Variants in CACNA1G observed in about 807,000 individuals in gnomAD.
CACNA1G encodes the protein calcium voltage-gated channel subunit alpha1 G.
CACNA1G carries 67 observed loss-of-function variants against 219.4 expected under a neutral mutation model. The ratio of observed to expected loss-of-function variants is 0.31; its 90% confidence interval spans 0.25 to 0.37. The LOEUF is 0.37. CACNA1G is among the 10% of genes least tolerant of loss of function. The pLI, the probability that CACNA1G is intolerant of heterozygous loss-of-function variation, is 1.00. For missense variants in CACNA1G, 2,380 were observed against 3,231.4 expected (o/e 0.74, Z 6.39); for synonymous variants, 1,296 against 1,345.3 (o/e 0.96, Z 0.80).
In CACNA1G at chr17:50,626,856, G is replaced by T. The variant is rs910783778; in HGVS notation, c.*105G>T. On this transcript the variant is annotated 3_prime_UTR_variant, in exon 38 of 38. Transcript: ENST00000359106. This position sits in a 1 kb window ranked among gnomAD's most constrained non-coding sequence, Gnocchi z 4.3. ...AAAGTTCCATATAGACACCAAGGAGGCGGAGGCGCTCCTCCCTGCCTCAGT... is the reference window on the plus strand; with the variant it reads ...AAAGTTCCATATAGACACCAAGGAGTCGGAGGCGCTCCTCCCTGCCTCAGT... The T allele has an allele frequency of 7.6e-6, 11 of 1,444,592 alleles. No individual in the cohort carries two copies. The African/African-American group carries it at 1.3e-4, about 17-fold the overall frequency. 89.5% of individuals were successfully genotyped at this position (1,444,592 alleles called of 1,614,324 possible).
At position 50,561,590 on chromosome 17, in the gene CACNA1G, C is replaced by T. The variant is rs778920307; in HGVS notation, c.131C>T (p.Ala44Val). The change falls in exon 1 of 38, where the codon GCG becomes GTG. Residue 44 changes from alanine (A) to valine (V), a missense_variant. Physicochemically the swap from Ala to Val is moderately conservative, Grantham distance 64 (BLOSUM62 0). Around this residue, in one of 17 missense-constraint regions of CACNA1G, gnomAD observed 98 missense variants for 85.5 expected, o/e 1.15. Coordinates refer to ENST00000359106, the MANE Select transcript of CACNA1G (RefSeq NM_018896.5). The part of the protein sequence containing the change: ...PGSAEKDPGS[A>V]DSEAEGLPYP... ...TCAGCAGAAAAGGACCCGGGCAGCG[C>T]GGACTCCGAGGCGGAGGGGCTGCCG... 25 of 1,570,400 alleles carry T rather than the reference C, an allele frequency of 1.6e-5. No homozygotes were observed. In the East Asian group the frequency reaches 5.6e-4, roughly 35 times the overall value.
chr17:50,576,476 C>G (rs773346529), intron 8 of CACNA1G, 150 bp downstream of exon 8: 3 of 732,930 alleles, frequency 4.1e-6, no homozygotes, highest in Non-Finnish European at 6.8e-6. Context: ...CAGTCACATC[C>G]CTGCTATGAG....
chr17:50,564,318 G>A (rs147247370), intron 1 of CACNA1G, among the ~76,000 whole-genome samples: 6 of 151,904 alleles, frequency 3.9e-5, no homozygotes, highest in Admixed American at 1.3e-4. Flanking sequence ...CTCCCCTCTC[G>A]GGGAGGAGTT....
intron 14 of CACNA1G, 50 bp downstream of exon 14, chr17:50,595,111 C>A: frequency 2.2e-6 from 3 of 1,370,108 alleles, no homozygotes; most frequent in East Asian, 2.5e-5. Flanking sequence ...CATGCCCGTG[C>A]CCCTCCACTC....
intron 37 of CACNA1G, among the ~76,000 whole-genome samples, chr17:50,624,883 T>C (rs188915115): frequency 6.6e-6 from 1 of 151,362 alleles, no homozygotes; most frequent in East Asian, 2.0e-4. Context: ...GACTGAGCTA[T>C]GGGGCACAAG....
chr17:50,619,876 G>A, intron 34 of CACNA1G, 50 bp downstream of exon 34: 2 of 1,510,540 alleles, frequency 1.3e-6, no homozygotes, highest in South Asian at 1.3e-5. Flanking sequence ...GCTGGGCTGT[G>A]CCACGCTGTG....
At chr17:50,589,283 A>C (rs1288664417) in intron 9 of CACNA1G, among the ~76,000 whole-genome samples, 1 of 150,998 alleles carries the variant, frequency 6.6e-6, no homozygotes, top group Non-Finnish European at 1.5e-5. Context: ...GGCTGGGGAG[A>C]CTCCACAAAC....
chr17:50,565,392 G>GT (rs2037495404), intron 1 of CACNA1G, among the ~76,000 whole-genome samples: 1 of 142,540 alleles, frequency 7.0e-6, no homozygotes, highest in African/African-American at 2.5e-5. Flanking sequence ...TGGGGCGGGG[G>GT]GTTCTGCTGG....
intron 1 of CACNA1G, chr17:50,561,924 A>C: frequency 6.4e-6 from 1 of 155,998 alleles, no homozygotes. Context: ...CTGCGTACAC[A>C]CACCTCAGTC....
In CACNA1G at chr17:50,578,135, G is replaced by T; in HGVS notation, c.1925-53G>T. ...ATTTTACACATACTCACAGGGCAGG[G>T]TAGCCCCAGGTACGAGACTCTGGAG... On this transcript the variant is annotated intron_variant, in intron 8 of 37. Transcript: ENST00000359106. The surrounding 1 kb of genome is among the most constrained non-coding windows in gnomAD (Gnocchi z 4.5). The T allele has an allele frequency of 6.7e-7, 1 of 1,497,900 alleles. No individual in the cohort carries two copies. Among genetic ancestry groups the T allele is most frequent in the Non-Finnish European group, 8.9e-7 (1 of 1,128,400 alleles). The allele number at this position is 1,497,900 out of a possible 1,614,324, so 92.8% of individuals were successfully genotyped here.
At chr17:50,593,372 G>A (rs78367467) in intron 13 of CACNA1G, among the ~76,000 whole-genome samples, 7,349 of 152,248 alleles carry the variant, frequency 0.048, 616 homozygotes, top group African/African-American at 0.17. Context: ...AAAAATTCCC[G>A]TGCAACTCTG....
intron 9 of CACNA1G, among the ~76,000 whole-genome samples, chr17:50,585,002 A>G (rs2042722428): frequency 6.6e-6 from 1 of 152,110 alleles, no homozygotes; most frequent in South Asian, 2.1e-4. Flanking sequence ...GGGCAAGGGC[A>G]CTTACCTGGG....
chr17:50,614,908 T>A (rs2050113022), intron 26 of CACNA1G, among the ~76,000 whole-genome samples: 1 of 152,224 alleles, frequency 6.6e-6, no homozygotes, highest in Non-Finnish European at 1.5e-5. Flanking sequence ...TGTAATCTCC[T>A]CTGCTCCCCC....
Position 50,627,010 on chromosome 17 carries a change from A to G in CACNA1G, c.*259A>G, listed in dbSNP as rs1415557422. The G allele has an allele frequency of 1.5e-6, 1 of 660,020 alleles. No individual in the cohort carries two copies. Among genetic ancestry groups the G allele is most frequent in the South Asian group, 1.5e-5 (1 of 66,466 alleles). 40.9% of individuals were successfully genotyped at this position (660,020 alleles called of 1,614,324 possible). A position where few individuals can be genotyped will look rare whatever the true frequency, so the allele number is the denominator to read the frequency against. On this transcript the variant is annotated 3_prime_UTR_variant, in exon 38 of 38. Coordinates refer to ENST00000359106, the MANE Select transcript of CACNA1G (RefSeq NM_018896.5). ...CCGACACCAGAAGCTGTTGGGAGAA[A>G]GCAATACGTTTGTGCAGAATCTCTA...
At position 50,561,362 on chromosome 17, in the gene CACNA1G, G is replaced by A; in HGVS notation, c.-98G>A. The stretch of plus-strand genomic sequence containing the variant: ...GCTTGCGCCCTAGAGCCCACCAGAT[G>A]TGCCCCCGCCGGGGCCCCCGGGTTG... On this transcript the variant is annotated 5_prime_UTR_variant, in exon 1 of 38. In the 5' UTR this introduces an upstream ATG that the reference lacks. Coordinates refer to ENST00000359106, the MANE Select transcript of CACNA1G (RefSeq NM_018896.5). 6.8e-7 allele frequency: 1 copy of A among 1,479,148 alleles called. No homozygotes were observed. The highest frequency in any genetic ancestry group is 1.2e-5 in the South Asian group (1 of 82,120). 91.6% of individuals were successfully genotyped at this position (1,479,148 alleles called of 1,614,324 possible). A position where few individuals can be genotyped will look rare whatever the true frequency, so the allele number is the denominator to read the frequency against.
chr17:50,570,557 C>CTCTGTGTGTGTGTGTGTGTGTGTG (rs6146086), intron 4 of CACNA1G, among the ~76,000 whole-genome samples: 1 of 132,614 alleles, frequency 7.5e-6, no homozygotes, highest in Admixed American at 7.5e-5. Context: ...CCCCTGCGCT[C>CTCTGTGTGTGTGTGTGTGTGTGTG]TGTGTGTGTG....
chr17:50,624,336 T>G, intron 36 of CACNA1G, 24 bp from the exon 37 acceptor site: 79 of 717,466 alleles, frequency 1.1e-4, no homozygotes, highest in Non-Finnish European at 1.5e-4. Flanking sequence ...CCCCCACCCC[T>G]CCCCCGCTTC....
intron 9 of CACNA1G, among the ~76,000 whole-genome samples, chr17:50,589,894 T>TTCTCTCTCTCTCTCTCTCTC (rs35679930): frequency 1.4e-5 from 2 of 138,832 alleles, no homozygotes; most frequent in African/African-American, 2.8e-5. Context: ...GCGTGCATTT[T>TTCTCTCTCTCTCTCTCTCTC]TCTCTCTCTC....
rs909394479 is a variant in CACNA1G, at chr17:50,621,265, T to C, written c.5926-395T>C. 1.9e-4 allele frequency among the ~76,000 whole-genome samples: 27 copies of C among 140,756 alleles called. No individual in the cohort carries two copies. The highest frequency in any genetic ancestry group is 7.3e-4 in the African/African-American group (27 of 36,736). 92.3% of individuals were successfully genotyped at this position (140,756 alleles called of 152,430 possible). A position where few individuals can be genotyped will look rare whatever the true frequency, so the allele number is the denominator to read the frequency against. On this transcript the variant is annotated intron_variant, in intron 34 of 37. Coordinates refer to ENST00000359106, the MANE Select transcript of CACNA1G (RefSeq NM_018896.5). This position sits in a 1 kb window ranked among gnomAD's most constrained non-coding sequence, Gnocchi z 4.6. ...ACAGTGCTTTGCTGGCCTTTCTTCATTTTTTTTTTTTTTGGTATCATCTTT... is the reference window on the plus strand; with the variant it reads ...ACAGTGCTTTGCTGGCCTTTCTTCACTTTTTTTTTTTTTGGTATCATCTTT...
Sources: gnomAD v4.1 joint callset for allele counts (sites outside exome capture counted in the v4.1 genomes callset) on GRCh38, gnomAD v4.1.1 for gene constraint, gnomAD v4.1.1 regional missense constraint, Gnocchi (gnomAD v3.1) non-coding constraint, MANE v1.5 for transcripts, NCBI Gene and HGNC (gene_info 2026-07-23, HGNC 2026-07-21) for gene names.